CAMTA1: variants seen among roughly 807,000 people sequenced by gnomAD.
CAMTA1 encodes the protein calmodulin binding transcription activator 1, also known as calmodulin-binding transcription activator 1.
A neutral mutation model predicts 170.9 loss-of-function variants in CAMTA1; 27 were observed. The ratio of observed to expected loss-of-function variants is 0.16; its 90% CI spans 0.12 to 0.22. The LOEUF (loss-of-function observed/expected upper bound fraction) is 0.22. Among genes scored for constraint, CAMTA1 ranks in the 10% least tolerant of loss-of-function variants. CAMTA1 has a pLI of 1.00. For missense variants in CAMTA1, 1,619 were observed against 2,217.2 expected, an observed-to-expected ratio of 0.73 and a Z score of 5.42; for synonymous variants, 833 against 891.5, an observed-to-expected ratio of 0.93 and a Z score of 1.17.
At chr1:7,134,475 A>T (rs1018622924) in intron 4 of CAMTA1, among the ~76,000 whole-genome samples, 1 of 151,786 alleles carries the variant, frequency 6.6e-6, no homozygotes, top group Non-Finnish European at 1.5e-5. Flanking sequence ...ACAAATTATT[A>T]TTATTATTAT....
At chr1:7,276,938 CAAAGAT>C (rs2149436755) in intron 5 of CAMTA1, among the ~76,000 whole-genome samples, 1 of 152,084 alleles carries the variant, frequency 6.6e-6, no homozygotes, top group South Asian at 2.1e-4. Context: ...AATTGGAAAA[CAAAGAT>C]AAAGAAAAAT....
At chr1:7,448,028 C>T (rs558503440) in intron 5 of CAMTA1, among the ~76,000 whole-genome samples, 7 of 152,354 alleles carry the variant, frequency 4.6e-5, no homozygotes, top group South Asian at 2.1e-4. Context: ...ACTGAGTCCT[C>T]GGAGCAGGTC....
At chr1:7,031,731 C>T (rs754558611) in intron 3 of CAMTA1, among the ~76,000 whole-genome samples, 2 of 151,876 alleles carry the variant, frequency 1.3e-5, no homozygotes, top group Non-Finnish European at 2.9e-5. Flanking sequence ...TTAGTAGAGA[C>T]GGGGTTTCAC....
chr1:6,957,181 G>A (rs1689605303), intron 3 of CAMTA1, among the ~76,000 whole-genome samples: 1 of 152,204 alleles, frequency 6.6e-6, no homozygotes, highest in South Asian at 2.1e-4. Context: ...GGGGAAGGAT[G>A]CAACTGATGA....
At chr1:7,740,206 T>G (rs1397604058) in intron 16 of CAMTA1, among the ~76,000 whole-genome samples, 1 of 152,236 alleles carries the variant, frequency 6.6e-6, no homozygotes, top group Admixed American at 6.5e-5. Context: ...TCTGGTACAT[T>G]TCTTCTATAA....
chr1:6,857,790 C>A (rs1663004788), intron 3 of CAMTA1, among the ~76,000 whole-genome samples: 1 of 151,998 alleles, frequency 6.6e-6, no homozygotes, highest in Non-Finnish European at 1.5e-5. Flanking sequence ...AAAGTGGGGA[C>A]ACTGAAAATC....
chr1:7,301,242 G>A (rs1320007624), intron 5 of CAMTA1, among the ~76,000 whole-genome samples: 1 of 152,226 alleles, frequency 6.6e-6, no homozygotes, highest in South Asian at 2.1e-4. Context: ...TTGCTCATTA[G>A]AAGTGCCTTG....
intron 4 of CAMTA1, among the ~76,000 whole-genome samples, chr1:7,129,954 T>C (rs868048250): frequency 5.0e-5 from 7 of 139,290 alleles, no homozygotes; most frequent in Admixed American, 3.7e-4. Flanking sequence ...TGTGTGTGTG[T>C]GAGATGGAGT....
intron 3 of CAMTA1, among the ~76,000 whole-genome samples, chr1:6,960,160 T>C (rs555321441): frequency 1.8e-4 from 28 of 152,122 alleles, no homozygotes; most frequent in Non-Finnish European, 3.7e-4. Context: ...TCTATAAAGG[T>C]AGGATGTAAT....
Position 7,609,155 on chromosome 1 carries a change from C to T in CAMTA1, c.511-31245C>T, listed in dbSNP as rs2095506492. ...CCCACTACCGGCCTAGCCCTGCCGC[C>T]TGTGCCTTGCCTCCTGGCCTCCTAG... On this transcript the variant is annotated intron_variant, in intron 6 of 22. Coordinates refer to ENST00000303635, the MANE Select transcript of CAMTA1 (RefSeq NM_015215.4). This position sits in a 1 kb window ranked among gnomAD's most constrained non-coding sequence, Gnocchi z 4.4. 6.6e-6 allele frequency among the ~76,000 whole-genome samples: 1 copy of T among 152,180 alleles called. No individual in the cohort carries two copies. The highest frequency in any genetic ancestry group is 2.4e-5 in the African/African-American group (1 of 41,454).
chr1:6,786,414 C>G (rs1244403630), intron 1 of CAMTA1, among the ~76,000 whole-genome samples: 1 of 152,126 alleles, frequency 6.6e-6, no homozygotes, highest in African/African-American at 2.4e-5. Context: ...CTTCCGTGAC[C>G]CCGATCCTTC....
intron 3 of CAMTA1, among the ~76,000 whole-genome samples, chr1:7,001,667 C>G (rs1252648594): frequency 6.6e-6 from 1 of 152,138 alleles, no homozygotes; most frequent in Admixed American, 6.5e-5. Flanking sequence ...TGGTCTTCAC[C>G]ACCTTTGTCA....
At chr1:7,005,068 G>A (rs913741311) in intron 3 of CAMTA1, among the ~76,000 whole-genome samples, 8 of 152,298 alleles carry the variant, frequency 5.3e-5, no homozygotes, top group South Asian at 2.1e-4. Flanking sequence ...CACCATGTCC[G>A]GCCTCAAAGT....
intron 1 of CAMTA1, among the ~76,000 whole-genome samples, chr1:6,810,578 A>G (rs957664070): frequency 6.6e-6 from 1 of 152,152 alleles, no homozygotes; most frequent in Non-Finnish European, 1.5e-5. Flanking sequence ...AGGCTGAGGC[A>G]GGCAGATCAC....
At chr1:6,872,776 A>G (rs1668762856) in intron 3 of CAMTA1, among the ~76,000 whole-genome samples, 1 of 152,054 alleles carries the variant, frequency 6.6e-6, no homozygotes, top group Admixed American at 6.5e-5. Context: ...TCATGTCCTT[A>G]AAAAAAACAT....
At chr1:7,124,009 A>G (rs148772117) in intron 4 of CAMTA1, among the ~76,000 whole-genome samples, 4 of 152,296 alleles carry the variant, frequency 2.6e-5, no homozygotes, top group African/African-American at 4.8e-5. Context: ...AGCTGCAGGA[A>G]TGCGTCTTGG....
At chr1:6,892,597 CTTTTTT>C (rs70984032) in intron 3 of CAMTA1, among the ~76,000 whole-genome samples, 40 of 120,848 alleles carry the variant, frequency 3.3e-4, no homozygotes, top group African/African-American at 1.2e-3. Context: ...TTTTTCTTTT[CTTTTTT>C]TTTTTTTTTT....
At chr1:6,844,348 C>G (rs1469124580) in intron 3 of CAMTA1, among the ~76,000 whole-genome samples, 3 of 151,866 alleles carry the variant, frequency 2.0e-5, no homozygotes, top group Non-Finnish European at 2.9e-5. Context: ...TGTGCTGTTT[C>G]CTGTTTGTAT....
At chr1:6,935,545 T>C (rs1328476624) in intron 3 of CAMTA1, among the ~76,000 whole-genome samples, 5 of 152,200 alleles carry the variant, frequency 3.3e-5, no homozygotes, top group African/African-American at 1.2e-4. Context: ...ATAAATTGAC[T>C]TGAGGGAGGA....
Sources: allele counts gnomAD v4.1 joint callset (sites outside exome capture counted in the v4.1 genomes callset), GRCh38; gene constraint gnomAD v4.1.1; non-coding constraint Gnocchi (gnomAD v3.1); transcripts MANE v1.5; gene names NCBI Gene and HGNC (gene_info 2026-07-23, HGNC 2026-07-21).